CLMN: variants seen among roughly 807,000 people sequenced by gnomAD.
The protein encoded by CLMN is calmin.
Under a neutral mutation model 92.7 loss-of-function variants are expected in CLMN, and 57 were observed. That is an observed-to-expected ratio of 0.61 (90% CI 0.50 to 0.77). CLMN has a LOEUF of 0.77. CLMN is among the 30% of genes least tolerant of loss of function. The pLI, the probability that CLMN is intolerant of heterozygous loss-of-function variation, is 0.00. For synonymous variants in CLMN, 466 were observed against 470.6 expected (o/e 0.99, Z 0.13); for missense variants, 1,158 against 1,237.5 (o/e 0.94, Z 0.96).
intron 1 of CLMN, among the ~76,000 whole-genome samples, chr14:95,234,799 C>G (rs1241080701): frequency 2.0e-5 from 3 of 152,210 alleles, no homozygotes; most frequent in Non-Finnish European, 4.4e-5. Context: ...GTGGGACATT[C>G]CTCTCTTCTC....
chr14:95,245,025 C>T (rs1485343244), intron 1 of CLMN, among the ~76,000 whole-genome samples: 3 of 138,172 alleles, frequency 2.2e-5, no homozygotes, highest in Non-Finnish European at 4.6e-5. Flanking sequence ...GGATCTAAAT[C>T]AATGAATATT....
In CLMN at chr14:95,202,897, G is replaced by T; in HGVS notation, c.2452C>A (p.Pro818Thr). The change falls in exon 9 of 13, where the codon CCC (proline) becomes ACC (threonine). Residue 818 changes from proline to threonine, a missense_variant. Pro to Thr is a conservative substitution (Grantham distance 38). Transcript: ENST00000298912. ...TCCCTTTGCTGGTGGTCCTCATGGG[G>T]GGCCAGTGGAGCGGGTTCTGAGGCT... ...TPASEPAPLA[P>T]HEDHQQRETK... 1 of 1,580,358 alleles carries T rather than the reference G, an allele frequency of 6.3e-7. No individual in the cohort carries two copies. Among genetic ancestry groups the T allele is most frequent in the African/African-American group, 1.4e-5 (1 of 73,204 alleles).
chr14:95,225,184 T>C (rs1393580065), intron 2 of CLMN, among the ~76,000 whole-genome samples: 1 of 149,088 alleles, frequency 6.7e-6, no homozygotes, highest in East Asian at 2.0e-4. Flanking sequence ...ATGTTACTCC[T>C]CTATTCCTCC....
intron 1 of CLMN, among the ~76,000 whole-genome samples, chr14:95,306,729 CA>C (rs1270993590): frequency 6.6e-6 from 1 of 152,172 alleles, no homozygotes; most frequent in Non-Finnish European, 1.5e-5. Flanking sequence ...TCATTTACTA[CA>C]CAGCTAAGCT....
chr14:95,197,840 G>A (rs966823422), intron 9 of CLMN, among the ~76,000 whole-genome samples: 6 of 147,502 alleles, frequency 4.1e-5, no homozygotes, highest in Admixed American at 2.0e-4. Flanking sequence ...ATTGTGCCCC[G>A]GGAGAACAAA....
chr14:95,287,279 C>T (rs1207719643), intron 1 of CLMN, among the ~76,000 whole-genome samples: 1 of 152,244 alleles, frequency 6.6e-6, no homozygotes, highest in Non-Finnish European at 1.5e-5. Context: ...CTGATGGGAA[C>T]TGTCCCCGTC....
At chr14:95,291,919 A>T (rs531336264) in intron 1 of CLMN, among the ~76,000 whole-genome samples, 1 of 152,364 alleles carries the variant, frequency 6.6e-6, no homozygotes, top group African/African-American at 2.4e-5. Flanking sequence ...GTGAAAAAAA[A>T]TAGGATCCAA....
At chr14:95,257,245 A>T (rs913994200) in intron 1 of CLMN, among the ~76,000 whole-genome samples, 8 of 152,216 alleles carry the variant, frequency 5.3e-5, no homozygotes, top group African/African-American at 1.9e-4. Flanking sequence ...AACGGTCGAG[A>T]GCCTGCTGTC....
Position 95,203,636 on chromosome 14 carries a change from T to C in CLMN, c.1713A>G (p.Ile571Met). Residue 571 changes from isoleucine to methionine, a missense_variant, in exon 9 of 13, where the codon ATA becomes ATG. Transcript: ENST00000298912. ...AAGCCTGGCTGGTAGAAGCAAAATCTATTAGGTCGCTGTTAAATTTTGAGG... is the reference window on the plus strand; with the variant it reads ...AAGCCTGGCTGGTAGAAGCAAAATCCATTAGGTCGCTGTTAAATTTTGAGG... ...LKASKFNSDL[I>M]DFASTSQAFN... 1 of 1,614,210 alleles carries C rather than the reference T, an allele frequency of 6.2e-7. No homozygotes were observed. The highest frequency in any genetic ancestry group is 8.5e-7 in the Non-Finnish European group (1 of 1,180,034).
chr14:95,319,829 G>A lies in CLMN; in HGVS notation c.-37C>T, dbSNP rs762988296. The A allele has an allele frequency of 7.8e-7, 1 of 1,280,346 alleles. No individual in the cohort carries two copies. The highest frequency in any genetic ancestry group is 1.6e-5 in the African/African-American group (1 of 62,444). 79.3% of individuals were successfully genotyped at this position (1,280,346 alleles called of 1,614,324 possible). On this transcript the variant is annotated 5_prime_UTR_variant, in exon 1 of 13. Coordinates refer to ENST00000298912, the MANE Select transcript of CLMN (RefSeq NM_024734.4). ...GGGAGAGCCCGGGCCAGCGCGGCGC[G>A]GGCGGCGGGCGCGGAGAGCCTGGCT...
intron 1 of CLMN, among the ~76,000 whole-genome samples, chr14:95,244,869 T>C (rs1486895488): frequency 6.6e-6 from 1 of 151,630 alleles, no homozygotes; most frequent in Non-Finnish European, 1.5e-5. Context: ...TATTCAGGAT[T>C]TCCCCTTTGG....
intron 1 of CLMN, among the ~76,000 whole-genome samples, chr14:95,250,279 C>T (rs1383047205): frequency 1.3e-5 from 2 of 152,234 alleles, no homozygotes; most frequent in African/African-American, 2.4e-5. Context: ...TGTGTTATTA[C>T]AAACCCATCA....
intron 9 of CLMN, among the ~76,000 whole-genome samples, chr14:95,200,268 G>A (rs1375925469): frequency 1.3e-5 from 2 of 152,058 alleles, no homozygotes; most frequent in Admixed American, 6.5e-5. Flanking sequence ...CCCTTCGCTG[G>A]GCCCATCTCT....
In CLMN at chr14:95,204,177, C is replaced by T. The variant is rs1228957781; in HGVS notation, c.1172G>A (p.Gly391Asp). The T allele has an allele frequency of 1.9e-6, 3 of 1,614,040 alleles. No homozygotes were observed. The highest frequency in any genetic ancestry group is 1.7e-6 in the Non-Finnish European group (2 of 1,180,016). Residue 391 changes from glycine to aspartate, a missense_variant, in exon 9 of 13, where the codon GGC (glycine) becomes GAC (aspartate). Transcript: ENST00000298912. ...ACTGATGTCGCTGGTCTTACCTGGG[C>T]CCCCTTGCAGGACCTGGTCAATAAT... ...HQIIDQVLQG[G>D]PGKTSDISEP...
chr14:95,205,089 A>C (rs2140579600), intron 8 of CLMN, among the ~76,000 whole-genome samples: 1 of 152,344 alleles, frequency 6.6e-6, no homozygotes, highest in South Asian at 2.1e-4. Context: ...GATAGTGTGA[A>C]TTGACTTCAG....
In CLMN at chr14:95,256,793, G is replaced by T. The variant is rs1899017144; in HGVS notation, c.83-26660C>A. Among the ~76,000 whole-genome samples the T allele has an allele frequency of 6.6e-6, 1 of 152,220 alleles. No individual in the cohort carries two copies. Among genetic ancestry groups the T allele is most frequent in the Non-Finnish European group, 1.5e-5 (1 of 68,036 alleles). ...GGGAAAACAGACATGGGGAAACTGG[G>T]GATGGCAGGAGAAGAGCTGTCAGTG... On this transcript the variant is annotated intron_variant, in intron 1 of 12. Coordinates refer to ENST00000298912, the MANE Select transcript of CLMN (RefSeq NM_024734.4). This position sits in a 1 kb window ranked among gnomAD's most constrained non-coding sequence, Gnocchi z 4.9.
At chr14:95,280,660 T>C (rs574129967) in intron 1 of CLMN, among the ~76,000 whole-genome samples, 1 of 152,336 alleles carries the variant, frequency 6.6e-6, no homozygotes, top group South Asian at 2.1e-4. Context: ...TTAGATTCCC[T>C]AAAGTCCAAA....
intron 1 of CLMN, among the ~76,000 whole-genome samples, chr14:95,284,031 T>C (rs1263164805): frequency 6.6e-6 from 1 of 152,050 alleles, no homozygotes; most frequent in Non-Finnish European, 1.5e-5. Context: ...AAAAAATGGT[T>C]TTGTGGGCCA....
intron 1 of CLMN, among the ~76,000 whole-genome samples, chr14:95,263,315 G>C (rs1899333606): frequency 6.6e-6 from 1 of 152,118 alleles, no homozygotes; most frequent in Non-Finnish European, 1.5e-5. Flanking sequence ...TCACTATCAG[G>C]AGAACAGCAT....
Sources: allele counts gnomAD v4.1 joint callset (sites outside exome capture counted in the v4.1 genomes callset), GRCh38; gene constraint gnomAD v4.1.1; non-coding constraint Gnocchi (gnomAD v3.1); transcripts MANE v1.5; gene names NCBI Gene and HGNC (gene_info 2026-07-23, HGNC 2026-07-21).